H2BC18: variants seen among roughly 807,000 people sequenced by gnomAD.
H2BC18 encodes histone H2B type 2-F.
A neutral mutation model predicts 6.3 loss-of-function variants in H2BC18; 8 were observed. That is an observed-to-expected ratio of 1.28 (90% confidence interval 0.75 to 2.31). The LOEUF is 2.31. Among genes scored for constraint, H2BC18 ranks in the 30% most tolerant of loss-of-function variants. The pLI, the probability that H2BC18 is intolerant of heterozygous loss-of-function variation, is 0.00. For synonymous variants in H2BC18, 104 were observed against 78.1 expected (o/e 1.33, Z -1.75); for missense variants, 106 against 174.5 (o/e 0.61, Z 2.21).
chr1:149,791,297 T>G, intron 1 of H2BC18: 1 of 1,602,782 alleles, frequency 6.2e-7, no homozygotes, highest in Non-Finnish European at 8.5e-7. Flanking sequence ...GTGGGAATAA[T>G]GTTTTTAGTG....
chr1:149,801,240 C>G (rs2091866178), intron 1 of H2BC18, among the ~76,000 whole-genome samples: 1 of 151,752 alleles, frequency 6.6e-6, no homozygotes, highest in Admixed American at 6.6e-5. Flanking sequence ...CCACTCCTGT[C>G]TTCTGCAGAA....
Position 149,812,153 on chromosome 1 carries a change from G to T in H2BC18, c.171C>A (p.Ser57=). The T allele has an allele frequency of 6.2e-7, 1 of 1,614,278 alleles. No homozygotes were observed. Among genetic ancestry groups the T allele is most frequent in the Non-Finnish European group, 8.5e-7 (1 of 1,180,048 alleles). ...AGGAGTTCATGATGCCCATGGCCTT[G>T]GACGAGATGCCGGTGTCGGGGTGGA... ...KQVHPDTGIS[S]KAMGIMNSFV... Residue 57 remains serine (S), a synonymous_variant, in exon 1 of 1, where the codon TCC becomes TCA. Transcript: ENST00000369167.
intron 1 of H2BC18, chr1:149,803,475 A>C (rs1553753569): frequency 6.6e-6 from 1 of 152,008 alleles, no homozygotes; most frequent in African/African-American, 2.4e-5. Flanking sequence ...TTTTGCTCCA[A>C]GTGTTCCTTC....
downstream of H2BC18, chr1:149,811,830 A>AG: frequency 5.1e-6 from 5 of 978,774 alleles, 1 homozygote; most frequent in Non-Finnish European, 7.7e-6. Context: ...TACCTGACCA[A>AG]AAGCTATCAA....
chr1:149,797,576 A>G (rs1483006304), intron 1 of H2BC18, among the ~76,000 whole-genome samples: 1 of 152,110 alleles, frequency 6.6e-6, no homozygotes, highest in Non-Finnish European at 1.5e-5. Flanking sequence ...TCTACTTTCC[A>G]CAGGTTTTTG....
Position 149,791,547 on chromosome 1 carries a change from G to A in H2BC18, c.378-8287C>T, listed in dbSNP as rs782738262. ...GGCTCAGTGGGTGGCCATCGATCTG[G>A]ACCGTCCCCTGCCCACTTGCTCCCC... On this transcript the variant is annotated intron_variant, in intron 1 of 1. Coordinates refer to the H2BC18 transcript ENST00000545683. 12 of 1,609,812 alleles carry A rather than the reference G, an allele frequency of 7.5e-6. No homozygotes were observed. The East Asian group carries it at 2.7e-4, about 36-fold the overall frequency.
intron 1 of H2BC18, among the ~76,000 whole-genome samples, chr1:149,804,767 G>T (rs1448625765): frequency 2.0e-5 from 3 of 152,122 alleles, no homozygotes; most frequent in Admixed American, 6.5e-5. Context: ...TCAATTTGCT[G>T]TAAGGAAGTT....
intron 1 of H2BC18, chr1:149,793,243 C>T (rs1655880827): frequency 4.0e-6 from 5 of 1,255,524 alleles, no homozygotes; most frequent in South Asian, 2.5e-5. Flanking sequence ...CCGGAGGCGG[C>T]GGCGGCAGGG....
downstream of H2BC18, among the ~76,000 whole-genome samples, chr1:149,810,239 C>G (rs1379183089): frequency 6.6e-6 from 1 of 151,972 alleles, no homozygotes; most frequent in African/African-American, 2.4e-5. Flanking sequence ...GGCCGTCTCA[C>G]TTACTGAGTA....
intron 1 of H2BC18, among the ~76,000 whole-genome samples, chr1:149,784,594 C>T (rs587721922): frequency 1.3e-5 from 2 of 151,334 alleles, no homozygotes; most frequent in African/African-American, 4.8e-5. Context: ...TATCTTCCTC[C>T]CACCCAAAAC....
At chr1:149,803,534 CT>C (rs1285109226) in intron 1 of H2BC18, 5 of 152,246 alleles carry the variant, frequency 3.3e-5, no homozygotes, top group African/African-American at 1.2e-4. Flanking sequence ...CTCTCTCCCC[CT>C]CTCTTTCTGT....
At chr1:149,785,975 G>C (rs1377994729) in intron 1 of H2BC18, 1 of 152,048 alleles carries the variant, frequency 6.6e-6, no homozygotes, top group Non-Finnish European at 1.5e-5. Context: ...GTAAATTGAA[G>C]TTCATTTGTT....
At chr1:149,811,779 G>C (rs2091977576), downstream of H2BC18, 1 of 690,578 alleles carries the variant, frequency 1.4e-6, no homozygotes. Context: ...AAACTCCTTA[G>C]TCCTAAACCC....
chr1:149,789,393 AAAT>A (rs781855250), intron 1 of H2BC18, among the ~76,000 whole-genome samples: 68 of 148,698 alleles, frequency 4.6e-4, no homozygotes, highest in Non-Finnish European at 5.5e-4. Flanking sequence ...ACTACGTCTC[AAAT>A]AATAATAATA....
chr1:149,791,328 A>G (rs147436195), intron 1 of H2BC18: 4 of 1,593,346 alleles, frequency 2.5e-6, no homozygotes, highest in East Asian at 2.3e-5. Context: ...TCTGGGTGAC[A>G]ATACGTAAAG....
intron 1 of H2BC18, chr1:149,793,045 C>G: frequency 7.9e-7 from 1 of 1,261,674 alleles, no homozygotes; most frequent in South Asian, 1.3e-5. Flanking sequence ...CTCCCGGGCC[C>G]CGGCGCGGCG....
At chr1:149,801,853 C>T (rs2221732) in intron 1 of H2BC18, among the ~76,000 whole-genome samples, 4,254 of 141,508 alleles carry the variant, frequency 0.03, no homozygotes, top group East Asian at 0.13. Flanking sequence ...CATTACGCTT[C>T]TATCTTTGAG....
chr1:149,808,092 AG>A (rs1361532910), downstream of H2BC18, among the ~76,000 whole-genome samples: 4 of 152,104 alleles, frequency 2.6e-5, no homozygotes, highest in South Asian at 6.2e-4. Flanking sequence ...AACCTGGATG[AG>A]GGGTGAGGAA....
chr1:149,785,208 A>C (rs1404797724), intron 1 of H2BC18, among the ~76,000 whole-genome samples: 2 of 152,190 alleles, frequency 1.3e-5, no homozygotes, highest in Admixed American at 1.3e-4. Flanking sequence ...ACTTCGTTAA[A>C]AATGATAATG....
Sources: gnomAD v4.1 joint callset for allele counts (sites outside exome capture counted in the v4.1 genomes callset) on GRCh38, gnomAD v4.1.1 for gene constraint, MANE v1.5 for transcripts, NCBI Gene and HGNC (gene_info 2026-07-23, HGNC 2026-07-21) for gene names.